Variants in CPEB3 observed in about 807,000 individuals in gnomAD.
CPEB3 encodes the protein cytoplasmic polyadenylation element binding protein 3, also known as cytoplasmic polyadenylation element-binding protein 3.
In CPEB3, 20 loss-of-function variants were observed where a neutral mutation model predicts 67.2. The observed-to-expected ratio is 0.30, with a 90% confidence interval of 0.21 to 0.43. The LOEUF (loss-of-function observed/expected upper bound fraction) is 0.43, where lower values mean the gene tolerates loss of function less well. Among genes scored for constraint, CPEB3 ranks in the 20% least tolerant of loss-of-function variants. The pLI, the probability that CPEB3 is intolerant of heterozygous loss-of-function variation, is 1.00. For missense variants in CPEB3, 746 were observed against 968.6 expected (o/e 0.77, Z 3.05); for synonymous variants, 376 against 393.1 (o/e 0.96, Z 0.51).
chr10:92,232,576 G>C (rs1018109817), intron 2 of CPEB3, among the ~76,000 whole-genome samples: 1 of 151,594 alleles, frequency 6.6e-6, no homozygotes, highest in South Asian at 2.1e-4. Flanking sequence ...GGCCAACATA[G>C]TGAAACCCCG....
rs576424991 is a variant in CPEB3, at chr10:92,075,294, G to A, written c.1869+6026C>T. Among the ~76,000 whole-genome samples the A allele has an allele frequency of 3.3e-5, 5 of 152,232 alleles. No individual in the cohort carries two copies. In the South Asian group the frequency reaches 1.0e-3, roughly 32 times the overall value. ...ATAAGTAGGATCCTCTCTATATTAT[G>A]AGCTGAATAATTACAGAGAATAAAG... On this transcript the variant is annotated intron_variant, in intron 9 of 9. Transcript: ENST00000265997.
intron 1 of CPEB3, among the ~76,000 whole-genome samples, chr10:92,261,470 A>T (rs1372247918): frequency 6.6e-6 from 1 of 151,882 alleles, no homozygotes; most frequent in African/African-American, 2.4e-5. Flanking sequence ...TTTTTTTGAG[A>T]CACAGTCTCA....
chr10:92,250,214 A>G (rs1025624348), intron 1 of CPEB3, among the ~76,000 whole-genome samples: 26 of 151,338 alleles, frequency 1.7e-4, no homozygotes, highest in South Asian at 4.2e-4. Flanking sequence ...CAGCCTCCCG[A>G]GTAGCTGGGA....
At chr10:92,197,645 G>A (rs1849304938) in intron 2 of CPEB3, among the ~76,000 whole-genome samples, 1 of 152,120 alleles carries the variant, frequency 6.6e-6, no homozygotes, top group African/African-American at 2.4e-5. Flanking sequence ...TCAGTTAGCT[G>A]TACACAGAAC....
chr10:92,239,456 T>C lies in CPEB3; in HGVS notation c.895A>G (p.Asn299Asp). ...ISPLKKPFSS[N>D]VIAPPKFPRA... ...GGGAACTTGGGCGGCGCGATCACGT[T>C]GCTGGAGAAGGGCTTTTTGAGCGGC... Residue 299 changes from asparagine (N) to aspartate (D), a missense_variant, in exon 2 of 10, where the codon AAC becomes GAC. Physicochemically the swap from Asn to Asp is conservative, Grantham distance 23 (BLOSUM62 1). Transcript: ENST00000265997. This position sits in a 1 kb window ranked among gnomAD's most constrained non-coding sequence, Gnocchi z 6.0. 6.3e-7 allele frequency: 1 copy of C among 1,598,194 alleles called. No individual in the cohort carries two copies. Among genetic ancestry groups the C allele is most frequent in the Non-Finnish European group, 8.5e-7 (1 of 1,172,114 alleles).
At chr10:92,069,663 C>T (rs1210593037) in intron 9 of CPEB3, among the ~76,000 whole-genome samples, 1 of 152,126 alleles carries the variant, frequency 6.6e-6, no homozygotes, top group Admixed American at 6.6e-5. Context: ...CCTTGGCCTC[C>T]CAAAGTGCTG....
chr10:92,224,768 T>C (rs926259323), intron 2 of CPEB3, among the ~76,000 whole-genome samples: 1 of 151,374 alleles, frequency 6.6e-6, no homozygotes, highest in Non-Finnish European at 1.5e-5. Flanking sequence ...ATCGCTTGAG[T>C]CCAGGGGTCT....
chr10:92,259,601 CA>C (rs34744393), intron 1 of CPEB3, among the ~76,000 whole-genome samples: 96,314 of 143,828 alleles, frequency 0.67, 32,715 homozygotes, highest in African/African-American at 0.85. Flanking sequence ...AATTCCATCT[CA>C]AAAAAAAAAA....
chr10:92,095,333 C>A (rs1159944075), intron 7 of CPEB3, among the ~76,000 whole-genome samples: 1 of 152,086 alleles, frequency 6.6e-6, no homozygotes, highest in East Asian at 1.9e-4. Context: ...AGAGCTGTCA[C>A]CTCTGCAGAA....
At chr10:92,131,633 G>A (rs1845846561) in intron 6 of CPEB3, among the ~76,000 whole-genome samples, 1 of 152,184 alleles carries the variant, frequency 6.6e-6, no homozygotes, top group South Asian at 2.1e-4. Flanking sequence ...TTGCAGGGAA[G>A]CATTTGACAC....
chr10:92,078,869 T>C (rs1371514147), intron 9 of CPEB3, among the ~76,000 whole-genome samples: 1 of 152,198 alleles, frequency 6.6e-6, no homozygotes, highest in East Asian at 1.9e-4. Flanking sequence ...TTTATTATGA[T>C]TCTTACAGGG....
At chr10:92,240,995 ACAAT>A (rs1390916749) in intron 1 of CPEB3, among the ~76,000 whole-genome samples, 4 of 152,180 alleles carry the variant, frequency 2.6e-5, no homozygotes, top group Admixed American at 2.6e-4. Context: ...ACTCAGCTGC[ACAAT>A]CATTCTCTGG....
At chr10:92,213,538 T>A (rs1037565100) in intron 2 of CPEB3, among the ~76,000 whole-genome samples, 1 of 152,204 alleles carries the variant, frequency 6.6e-6, no homozygotes, top group African/African-American at 2.4e-5. Context: ...GAACATAAGA[T>A]TAATGTAGAA....
chr10:92,199,043 C>T (rs913161201), intron 2 of CPEB3, among the ~76,000 whole-genome samples: 2 of 152,214 alleles, frequency 1.3e-5, no homozygotes, highest in African/African-American at 4.8e-5. Flanking sequence ...TATCACATGA[C>T]TGCAACATAT....
intron 2 of CPEB3, among the ~76,000 whole-genome samples, chr10:92,217,734 C>G (rs1450507773): frequency 6.6e-6 from 1 of 152,118 alleles, no homozygotes; most frequent in African/African-American, 2.4e-5. Context: ...TGCACTCCAG[C>G]CTGGGCAACA....
At chr10:92,121,716 G>A (rs1845399457) in intron 6 of CPEB3, among the ~76,000 whole-genome samples, 1 of 151,874 alleles carries the variant, frequency 6.6e-6, no homozygotes, top group African/African-American at 2.4e-5. Context: ...CTGAACCACT[G>A]CAGCATTCAT....
chr10:92,102,818 C>T (rs1173399026), intron 7 of CPEB3, among the ~76,000 whole-genome samples: 1 of 152,206 alleles, frequency 6.6e-6, no homozygotes, highest in African/African-American at 2.4e-5. Context: ...GTCACAACTA[C>T]TCCCTCTAAT....
intron 3 of CPEB3, among the ~76,000 whole-genome samples, chr10:92,181,803 T>G (rs1259180759): frequency 6.6e-6 from 1 of 152,202 alleles, no homozygotes; most frequent in African/African-American, 2.4e-5. Context: ...AAGCCTAAAA[T>G]ATTTACTCTT....
chr10:92,289,877 A>C (rs1365596640), intron 1 of CPEB3, among the ~76,000 whole-genome samples: 3 of 116,164 alleles, frequency 2.6e-5, no homozygotes, highest in Non-Finnish European at 1.6e-5. Context: ...CCCCGATTAA[A>C]CTAAATACTC....
Sources: gnomAD v4.1 joint callset for allele counts (sites outside exome capture counted in the v4.1 genomes callset) on GRCh38, gnomAD v4.1.1 for gene constraint, Gnocchi (gnomAD v3.1) non-coding constraint, MANE v1.5 for transcripts, NCBI Gene and HGNC (gene_info 2026-07-23, HGNC 2026-07-21) for gene names.